Variants in ZSCAN31 observed in about 807,000 individuals in gnomAD.
ZSCAN31 encodes the protein zinc finger and SCAN domain containing 31, also known as zinc finger and SCAN domain-containing protein 31.
ZSCAN31 carries 14 observed loss-of-function variants against 22.5 expected under a neutral mutation model. The ratio of observed to expected loss-of-function variants is 0.62; its 90% CI spans 0.41 to 0.97. ZSCAN31 has a LOEUF of 0.97. Ranked by LOEUF, ZSCAN31 falls within the 50% of genes least tolerant of loss-of-function variation. The probability of loss-of-function intolerance (pLI) is 0.00; values close to 1 mark genes in which losing one functional copy is unlikely to be tolerated. For missense variants in ZSCAN31, 424 were observed against 483.4 expected, an observed-to-expected ratio of 0.88 and a Z score of 1.15; for synonymous variants, 168 against 169.8, an observed-to-expected ratio of 0.99 and a Z score of 0.08.
At chr6:28,346,885 A>T (rs1482290234) in intron 2 of ZSCAN31, among the ~76,000 whole-genome samples, 1 of 152,232 alleles carries the variant, frequency 6.6e-6, no homozygotes, top group Non-Finnish European at 1.5e-5. Flanking sequence ...CTTTCTACTA[A>T]TCTATTCTTA....
intron 3 of ZSCAN31, among the ~76,000 whole-genome samples, chr6:28,341,375 CTACTT>C (rs1372045476): frequency 1.3e-5 from 2 of 152,170 alleles, no homozygotes; most frequent in African/African-American, 4.8e-5. Flanking sequence ...AAGCTTCTCT[CTACTT>C]TATAGATATG....
upstream of ZSCAN31, among the ~76,000 whole-genome samples, chr6:28,339,488 G>A (rs542903906): frequency 1.2e-4 from 18 of 151,528 alleles, no homozygotes; most frequent in South Asian, 3.8e-3. Flanking sequence ...GGGTTTCGCC[G>A]TGTTGGCCAG....
chr6:28,334,715 A>C (rs2113826878), intron 1 of ZSCAN31, among the ~76,000 whole-genome samples: 1 of 152,342 alleles, frequency 6.6e-6, no homozygotes, highest in South Asian at 2.1e-4. Context: ...GTTAAGACTC[A>C]ACTACATGCA....
At position 28,326,063 on chromosome 6, in the gene ZSCAN31, T is replaced by G; in HGVS notation, c.*103A>C. The stretch of plus-strand genomic sequence containing the variant: ...TCCAAGACGGCCCCATTTAGGGGTC[T>G]GAGGGTCCACAGAATTAGTCCAGTT... On this transcript the variant is annotated 3_prime_UTR_variant, in exon 4 of 4. Transcript: ENST00000344279. 3 of 1,115,542 alleles carry G rather than the reference T, an allele frequency of 2.7e-6. No individual in the cohort carries two copies. The highest frequency in any genetic ancestry group is 2.4e-5 in the East Asian group (1 of 42,188). The allele number at this position is 1,115,542 out of a possible 1,614,324, so 69.1% of individuals were successfully genotyped here.
rs1764860059 is a variant in ZSCAN31, at chr6:28,349,971, A to T, written c.-371+3891T>A. The T allele has an allele frequency of 6.6e-6, 1 of 152,168 alleles. No homozygotes were observed. The highest frequency in any genetic ancestry group is 2.1e-4 in the South Asian group (1 of 4,832). 9.4% of individuals were successfully genotyped at this position (152,168 alleles called of 1,614,324 possible). A position where few individuals can be genotyped will look rare whatever the true frequency, so the allele number is the denominator to read the frequency against. ...TGCTAGTTTCAAGCACTTTGTGAGT[A>T]TGGGGTGAATCGGCGTCGGCCTTCC... On this transcript the variant is annotated intron_variant, in intron 2 of 7. Coordinates refer to the ZSCAN31 transcript ENST00000396838. The surrounding 1 kb of genome is among the most constrained non-coding windows in gnomAD (Gnocchi z 4.1).
At position 28,327,533 on chromosome 6, in the gene ZSCAN31, C is replaced by T; in HGVS notation, c.382G>A (p.Ala128Thr). The T allele has an allele frequency of 6.2e-7, 1 of 1,612,126 alleles. No individual in the cohort carries two copies. The highest frequency in any genetic ancestry group is 8.5e-7 in the Non-Finnish European group (1 of 1,179,916). ...GAATGTCCATGTTCATGGTCTGGAGCCTGAAGGCAGGTAGGCATATTTGGT... is the reference window on the plus strand; with the variant it reads ...GAATGTCCATGTTCATGGTCTGGAGTCTGAAGGCAGGTAGGCATATTTGGT... ...EQELSEPGNQ[A>T]PDHEHGHSEV... Residue 128 changes from alanine (A) to threonine (T), a missense_variant and splice_region_variant, in exon 3 of 4, where the codon GCT becomes ACT. Physicochemically the swap from Ala to Thr is moderately conservative, Grantham distance 58 (BLOSUM62 0). Transcript: ENST00000344279.
upstream of ZSCAN31, among the ~76,000 whole-genome samples, chr6:28,339,467 T>A (rs1764327903): frequency 6.6e-6 from 1 of 151,816 alleles, no homozygotes; most frequent in African/African-American, 2.4e-5. Context: ...TTTGTATTTT[T>A]AGTAGAGACG....
At position 28,347,911 on chromosome 6, in the gene ZSCAN31, T is replaced by G. The variant is rs1764708106; in HGVS notation, c.-371+5951A>C. 6.6e-6 allele frequency among the ~76,000 whole-genome samples: 1 copy of G among 152,248 alleles called. No individual in the cohort carries two copies. Among genetic ancestry groups the G allele is most frequent in the African/African-American group, 2.4e-5 (1 of 41,474 alleles). On this transcript the variant is annotated intron_variant, in intron 2 of 7. Coordinates refer to the ZSCAN31 transcript ENST00000396838. The surrounding 1 kb of genome is among the most constrained non-coding windows in gnomAD (Gnocchi z 5.2). ...ATTTTCACATTCTTATCAGCAAATG[T>G]TATTACTCAGGTGTTGGTATAAAAT...
rs530050798 is a variant in ZSCAN31, at chr6:28,353,071, C to T, written c.-371+791G>A. 7.1e-4 allele frequency among the ~76,000 whole-genome samples: 107 copies of T among 151,084 alleles called. 2 individuals are homozygous for T. Among genetic ancestry groups the T allele is most frequent in the African/African-American group, 2.4e-3 (97 of 41,126 alleles). On this transcript the variant is annotated intron_variant, in intron 2 of 7. Coordinates refer to the ZSCAN31 transcript ENST00000396838. ...GCAACCTCCGCCTTCCGGGTTCAAG[C>T]GATTCTCCTGCCTCAGCCTCCCAAG...
rs1232979277 is a variant in ZSCAN31, at chr6:28,326,820, T to C, written c.567A>G (p.Ala189=). ...TTTCTTTTAAGATTTCTTGCTTTGA[T>C]GCCAACTCCTGGTTCTCAGGTATAC... ...GESIPENQEL[A]SKQEILKEME... Residue 189 remains alanine, a synonymous_variant, in exon 4 of 4, where the codon GCA becomes GCG. Coordinates refer to ENST00000344279, the MANE Select transcript of ZSCAN31 (RefSeq NM_030899.5). The C allele has an allele frequency of 1.9e-6, 3 of 1,612,296 alleles. No homozygotes were observed. Among genetic ancestry groups the C allele is most frequent in the Admixed American group, 3.3e-5 (2 of 59,984 alleles).
At chr6:28,340,597 C>A (rs1416244555), upstream of ZSCAN31, among the ~76,000 whole-genome samples, 1 of 152,220 alleles carries the variant, frequency 6.6e-6, no homozygotes, top group East Asian at 1.9e-4. Flanking sequence ...TAAACCTCCT[C>A]TCTTTATAAA....
chr6:28,333,699 C>CA lies in ZSCAN31; in HGVS notation c.-96+2382dup, dbSNP rs1279809095. ...GCCCTGAGGAAGTGCATGCTGCCATCAAAGACAGGAAAGGAGGCTGGAGTG... is the reference window on the plus strand; with the variant it reads ...GCCCTGAGGAAGTGCATGCTGCCATCAAAAGACAGGAAAGGAGGCTGGAGTG... On this transcript the variant is annotated intron_variant, in intron 1 of 3. Transcript: ENST00000344279. This position sits in a 1 kb window ranked among gnomAD's most constrained non-coding sequence, Gnocchi z 4.1. 6.6e-6 allele frequency among the ~76,000 whole-genome samples: 1 copy of CA among 152,054 alleles called. No homozygotes were observed. Among genetic ancestry groups the CA allele is most frequent in the Non-Finnish European group, 1.5e-5 (1 of 68,016 alleles).
At chr6:28,341,610 C>T (rs1242483837) in intron 3 of ZSCAN31, 1 of 152,198 alleles carries the variant, frequency 6.6e-6, no homozygotes, top group East Asian at 1.9e-4. Flanking sequence ...GCCCTTCCCC[C>T]AAGTGGGCAC....
At chr6:28,332,800 A>C (rs1478943246) in intron 1 of ZSCAN31, among the ~76,000 whole-genome samples, 1 of 152,256 alleles carries the variant, frequency 6.6e-6, no homozygotes, top group Non-Finnish European at 1.5e-5. Context: ...CCATCTCTAG[A>C]TACCACCAGG....
chr6:28,328,861 A>G (rs1298817895), intron 2 of ZSCAN31, among the ~76,000 whole-genome samples: 1 of 152,210 alleles, frequency 6.6e-6, no homozygotes, highest in African/African-American at 2.4e-5. Context: ...AATCTTCACA[A>G]TCTACATTCT....
chr6:28,339,155 A>C (rs1039980804), upstream of ZSCAN31, among the ~76,000 whole-genome samples: 2 of 152,174 alleles, frequency 1.3e-5, no homozygotes, highest in African/African-American at 2.4e-5. Flanking sequence ...CTGTATTCAA[A>C]GTTTAGCTTT....
chr6:28,336,427 G>T (rs1764169293), upstream of ZSCAN31: 1 of 152,200 alleles, frequency 6.6e-6, no homozygotes, highest in African/African-American at 2.4e-5. Context: ...CGAGTAACAG[G>T]AGGCAATTCC....
At chr6:28,330,438 G>A (rs968718895) in intron 1 of ZSCAN31, among the ~76,000 whole-genome samples, 1 of 152,198 alleles carries the variant, frequency 6.6e-6, no homozygotes, top group Non-Finnish European at 1.5e-5. Flanking sequence ...ATAGAAGGGT[G>A]AACCTCTGGG....
In ZSCAN31 at chr6:28,326,741, A is replaced by G. The variant is rs1763308218; in HGVS notation, c.646T>C (p.Tyr216His). ...LQRDVSLDSKYRETCKRDSKA... is the reference protein window; with the variant it reads ...LQRDVSLDSKHRETCKRDSKA... ...CTGTCTCGTTTACAAGTTTCTCTGT[A>G]CTTAGAATCCAAAGATACATCTCTT... The change falls in exon 4 of 4, where the codon TAC (tyrosine) becomes CAC (histidine). Residue 216 changes from tyrosine (Y) to histidine (H), a missense_variant. Tyr to His is a moderately conservative substitution (Grantham distance 83). Coordinates refer to ENST00000344279, the MANE Select transcript of ZSCAN31 (RefSeq NM_030899.5). The G allele has an allele frequency of 1.2e-6, 2 of 1,614,064 alleles. No individual in the cohort carries two copies. The highest frequency in any genetic ancestry group is 4.5e-5 in the East Asian group (2 of 44,878).
Sources: allele counts gnomAD v4.1 joint callset (sites outside exome capture counted in the v4.1 genomes callset), GRCh38; gene constraint gnomAD v4.1.1; non-coding constraint Gnocchi (gnomAD v3.1); transcripts MANE v1.5; gene names NCBI Gene and HGNC (gene_info 2026-07-23, HGNC 2026-07-21).